TAB2: variants seen among roughly 807,000 people sequenced by gnomAD.
TAB2 encodes the protein TGF-beta-activated kinase 1 and MAP3K7-binding protein 2.
A neutral mutation model predicts 65.0 loss-of-function variants in TAB2; 3 were observed. The ratio of observed to expected loss-of-function variants is 0.05; its 90% CI spans 0.02 to 0.12. TAB2 has a LOEUF of 0.12. TAB2 is among the 10% of genes least tolerant of loss of function. TAB2 has a pLI of 1.00. For synonymous variants in TAB2, 298 were observed against 285.1 expected (o/e 1.05, Z -0.46); for missense variants, 623 against 840.3 (o/e 0.74, Z 3.20).
At chr6:149,333,929 T>C (rs916497981) in intron 1 of TAB2, among the ~76,000 whole-genome samples, 1 of 152,148 alleles carries the variant, frequency 6.6e-6, no homozygotes, top group African/African-American at 2.4e-5. Context: ...CTTTGTCTAG[T>C]AGGACAAACT....
At chr6:149,355,667 C>CA (rs10534200) in intron 1 of TAB2, among the ~76,000 whole-genome samples, 3,845 of 121,528 alleles carry the variant, frequency 0.032, 109 homozygotes, top group African/African-American at 0.086. Flanking sequence ...AACTCCATCT[C>CA]AAAAAAAAAA....
Position 149,320,801 on chromosome 6 carries a change from A to G in TAB2, c.-90+2786A>G, listed in dbSNP as rs112511216. ...AATCTTTATAATATATAAAGTTCAT[A>G]AATTAAACTGTAATTGAAAAATCCA... On this transcript the variant is annotated intron_variant, in intron 1 of 6. Coordinates refer to ENST00000637181, the MANE Select transcript of TAB2 (RefSeq NM_001292034.3). 1.7e-3 allele frequency among the ~76,000 whole-genome samples: 254 copies of G among 152,318 alleles called. 2 individuals carry two copies. Among genetic ancestry groups the G allele is most frequent in the Non-Finnish European group, 2.7e-3 (184 of 68,024 alleles).
intron 4 of TAB2, 41 bp downstream of exon 4, chr6:149,397,805 G>T: frequency 6.2e-7 from 1 of 1,607,532 alleles, no homozygotes; most frequent in Non-Finnish European, 8.5e-7. Context: ...GCTTGAACAT[G>T]AGAGTAGGCC....
At chr6:149,382,817 A>G (rs150376917) in intron 3 of TAB2, among the ~76,000 whole-genome samples, 2 of 152,240 alleles carry the variant, frequency 1.3e-5, no homozygotes, top group Non-Finnish European at 2.9e-5. Context: ...AAAAAAAGGC[A>G]ACCATAGGGA....
At chr6:149,267,691 G>A (rs1190143690) in intron 1 of TAB2, among the ~76,000 whole-genome samples, 4 of 152,030 alleles carry the variant, frequency 2.6e-5, no homozygotes, top group East Asian at 1.9e-4. Context: ...ATCATAAAAT[G>A]TGCTTACCCA....
intron 6 of TAB2, 32 bp from the exon 7 acceptor site, chr6:149,409,545 T>A (rs1401333691): frequency 6.2e-7 from 1 of 1,600,090 alleles, no homozygotes; most frequent in Non-Finnish European, 8.6e-7. Flanking sequence ...TGTGATTTTT[T>A]ACTTATAAAA....
chr6:149,357,430 A>AACACACACACACACACAC (rs1554261742), intron 1 of TAB2, among the ~76,000 whole-genome samples: 11 of 111,130 alleles, frequency 9.9e-5, no homozygotes, highest in African/African-American at 2.1e-4. Context: ...AGAAAAAAAA[A>AACACACACACACACACAC]ACACACACAC....
intron 1 of TAB2, among the ~76,000 whole-genome samples, chr6:149,309,484 C>T (rs1186623888): frequency 1.3e-5 from 2 of 151,728 alleles, no homozygotes; most frequent in Non-Finnish European, 2.9e-5. Flanking sequence ...GCAAGCTCCA[C>T]CTCCCAGGTT....
At chr6:149,293,938 G>A (rs953883234) in intron 1 of TAB2, among the ~76,000 whole-genome samples, 2 of 152,030 alleles carry the variant, frequency 1.3e-5, no homozygotes, top group Non-Finnish European at 2.9e-5. Flanking sequence ...AGACTAGAGA[G>A]TATCAAACAC....
chr6:149,340,647 A>G (rs185003043), intron 1 of TAB2, among the ~76,000 whole-genome samples: 88 of 152,196 alleles, frequency 5.8e-4, no homozygotes, highest in Non-Finnish European at 1.5e-4. Context: ...TTTTTATTTG[A>G]TGGTCTTTAA....
At chr6:149,320,792 A>G (rs999469988) in intron 1 of TAB2, among the ~76,000 whole-genome samples, 6 of 152,214 alleles carry the variant, frequency 3.9e-5, no homozygotes, top group Non-Finnish European at 7.3e-5. Context: ...TATAATATAT[A>G]AAGTTCATAA....
chr6:149,392,943 C>G (rs1022809728), intron 3 of TAB2, among the ~76,000 whole-genome samples: 1 of 145,216 alleles, frequency 6.9e-6, no homozygotes, highest in East Asian at 1.9e-4. Flanking sequence ...GCAGACAAAA[C>G]TCACAGCTAG....
At chr6:149,227,729 A>G (rs1339659334) in intron 1 of TAB2, among the ~76,000 whole-genome samples, 1 of 152,234 alleles carries the variant, frequency 6.6e-6, no homozygotes, top group African/African-American at 2.4e-5. Context: ...AGCTGCTAAC[A>G]TGCTGAAGTA....
intron 1 of TAB2, among the ~76,000 whole-genome samples, chr6:149,264,462 T>C (rs752813268): frequency 8.2e-6 from 1 of 121,658 alleles, no homozygotes; most frequent in Non-Finnish European, 1.6e-5. Context: ...TTTTGTTTGG[T>C]TTTTAATTTT....
intron 6 of TAB2, among the ~76,000 whole-genome samples, chr6:149,401,766 G>A (rs113693957): frequency 3.9e-5 from 6 of 151,940 alleles, no homozygotes; most frequent in East Asian, 1.9e-4. Context: ...ATCATTCCAC[G>A]TATTTTTTCT....
intron 1 of TAB2, among the ~76,000 whole-genome samples, chr6:149,341,598 C>T (rs1259204808): frequency 2.0e-5 from 3 of 152,120 alleles, no homozygotes; most frequent in Non-Finnish European, 4.4e-5. Flanking sequence ...AATTTCAAAG[C>T]CATACTGAAA....
At chr6:149,278,156 A>G (rs965971560) in intron 1 of TAB2, among the ~76,000 whole-genome samples, 2 of 152,218 alleles carry the variant, frequency 1.3e-5, no homozygotes, top group African/African-American at 4.8e-5. Context: ...TTCTACAGCT[A>G]GGTTACTATA....
intron 1 of TAB2, among the ~76,000 whole-genome samples, chr6:149,353,750 G>T (rs989605936): frequency 6.6e-6 from 1 of 152,136 alleles, no homozygotes; most frequent in Non-Finnish European, 1.5e-5. Flanking sequence ...TACAAGACTG[G>T]CTAAATAGTA....
chr6:149,373,232 G>C (rs1462633593), intron 2 of TAB2, among the ~76,000 whole-genome samples: 1 of 152,108 alleles, frequency 6.6e-6, no homozygotes, highest in Non-Finnish European at 1.5e-5. Flanking sequence ...ATATTGCATA[G>C]TTTTCACTTT....
Sources: allele counts gnomAD v4.1 joint callset (sites outside exome capture counted in the v4.1 genomes callset), GRCh38; gene constraint gnomAD v4.1.1; transcripts MANE v1.5; gene names NCBI Gene and HGNC (gene_info 2026-07-23, HGNC 2026-07-21).